DNAI2: variants seen among roughly 807,000 people sequenced by gnomAD.
DNAI2 encodes dynein, axonemal, intermediate polypeptide 2.
Under a neutral mutation model 74.7 loss-of-function variants are expected in DNAI2, and 63 were observed. The ratio of observed to expected loss-of-function variants is 0.84; its 90% CI spans 0.69 to 1.04. The LOEUF is 1.04. DNAI2 is among the 50% of genes least tolerant of loss of function. The pLI is 0.00. For synonymous variants in DNAI2, 289 were observed against 314.9 expected (o/e 0.92, Z 0.87); for missense variants, 688 against 803.2 (o/e 0.86, Z 1.73).
intron 4 of DNAI2, among the ~76,000 whole-genome samples, chr17:74,287,894 G>T (rs1017049088): frequency 2.6e-5 from 4 of 151,456 alleles, no homozygotes; most frequent in African/African-American, 9.7e-5. Context: ...GGCGGAGGTT[G>T]CAGTGAGCCG....
intron 6 of DNAI2, among the ~76,000 whole-genome samples, chr17:74,296,848 CAG>C (rs1426745653): frequency 9.9e-5 from 15 of 152,172 alleles, no homozygotes; most frequent in African/African-American, 2.9e-4. Flanking sequence ...CACGGAACTG[CAG>C]AGTGTGCGAT....
intron 6 of DNAI2, among the ~76,000 whole-genome samples, chr17:74,293,175 A>T (rs145944531): frequency 6.6e-6 from 1 of 152,078 alleles, no homozygotes; most frequent in African/African-American, 2.4e-5. Context: ...GGTCTTGTCT[A>T]TAGTGTTGGT....
intron 6 of DNAI2, among the ~76,000 whole-genome samples, chr17:74,291,344 A>T (rs2052086190): frequency 6.6e-6 from 1 of 151,858 alleles, no homozygotes; most frequent in Admixed American, 6.6e-5. Context: ...TGTTATTTTT[A>T]GTAGAGACAG....
intron 3 of DNAI2, 39 bp from the exon 4 acceptor site, chr17:74,286,938 T>C: frequency 6.2e-7 from 1 of 1,613,322 alleles, no homozygotes; most frequent in African/African-American, 1.3e-5. Flanking sequence ...TGAAAGGACC[T>C]CCATTTACTG....
chr17:74,299,478 G>C (rs1269736366), intron 6 of DNAI2, among the ~76,000 whole-genome samples: 1 of 152,100 alleles, frequency 6.6e-6, no homozygotes, highest in Non-Finnish European at 1.5e-5. Flanking sequence ...CAAGTGTTGG[G>C]TAGGGAGTCA....
At chr17:74,275,892 G>C (rs2891037) in intron 1 of DNAI2, among the ~76,000 whole-genome samples, 1 of 151,704 alleles carries the variant, frequency 6.6e-6, no homozygotes, top group Admixed American at 6.6e-5. Context: ...TGTCCCAAAA[G>C]CAACAACAAC....
In DNAI2 at chr17:74,300,083, G is replaced by C. The variant is rs997833660; in HGVS notation, c.864+226G>C. ...CCTGCCTCAGCCTCCCAAGTAGCTG[G>C]GATTACAGGCGCCTGCCACTATGCC... On this transcript the variant is annotated intron_variant, in intron 7 of 13. Transcript: ENST00000311014. This position sits in a 1 kb window ranked among gnomAD's most constrained non-coding sequence, Gnocchi z 4.5. Among the ~76,000 whole-genome samples the C allele has an allele frequency of 6.6e-6, 1 of 152,146 alleles. No individual in the cohort carries two copies.
chr17:74,285,389 C>T (rs1248069084), intron 3 of DNAI2, among the ~76,000 whole-genome samples, 188 bp downstream of exon 3: 11 of 152,108 alleles, frequency 7.2e-5, no homozygotes, highest in Non-Finnish European at 1.2e-4. Flanking sequence ...CACAGACCAA[C>T]AGGGAAGGCA....
chr17:74,287,444 G>T (rs1328527652), intron 4 of DNAI2, among the ~76,000 whole-genome samples: 2 of 152,230 alleles, frequency 1.3e-5, no homozygotes, highest in African/African-American at 4.8e-5. Context: ...ACTCATGCGA[G>T]TATATCCATG....
intron 8 of DNAI2, 52 bp downstream of exon 8, chr17:74,301,220 G>A: frequency 6.2e-7 from 1 of 1,609,530 alleles, no homozygotes; most frequent in Non-Finnish European, 8.5e-7. Context: ...GGGCAGCCAG[G>A]GCTAAAGACA....
chr17:74,303,861 C>T (rs1166240768), intron 8 of DNAI2, among the ~76,000 whole-genome samples: 1 of 152,080 alleles, frequency 6.6e-6, no homozygotes, highest in Non-Finnish European at 1.5e-5. Flanking sequence ...TGCAGTGGCT[C>T]AGGTCTGTAA....
intron 2 of DNAI2, among the ~76,000 whole-genome samples, chr17:74,284,677 G>A (rs1203310945): frequency 1.3e-5 from 2 of 152,176 alleles, no homozygotes; most frequent in Non-Finnish European, 2.9e-5. Flanking sequence ...CTCCCAAAGT[G>A]CTGGGATTAC....
chr17:74,289,793 A>C (rs1010475328), intron 5 of DNAI2, 57 bp downstream of exon 5: 750 of 1,610,134 alleles, frequency 4.7e-4, no homozygotes, highest in Admixed American at 6.0e-4. Context: ...GACCAGCACA[A>C]GTGGAGGAGC....
intron 8 of DNAI2, among the ~76,000 whole-genome samples, 191 bp downstream of exon 8, chr17:74,301,359 G>A (rs555951443): frequency 6.6e-6 from 1 of 152,314 alleles, no homozygotes; most frequent in African/African-American, 2.4e-5. Flanking sequence ...AGAGCTTCTC[G>A]AAGAAGGACA....
At chr17:74,309,988 T>C in intron 10 of DNAI2, 29 bp from the exon 11 acceptor site, 2 of 1,612,998 alleles carry the variant, frequency 1.2e-6, no homozygotes, top group Non-Finnish European at 1.7e-6. Context: ...CTCTCTCCTC[T>C]ACCTGGGTCT....
intron 12 of DNAI2, 73 bp downstream of exon 12, chr17:74,312,303 T>C (rs1387357346): frequency 1.7e-6 from 1 of 601,608 alleles, no homozygotes; most frequent in Non-Finnish European, 3.1e-6. Context: ...CTGCTTCTGC[T>C]TGCCGACTTC....
intron 9 of DNAI2, among the ~76,000 whole-genome samples, chr17:74,307,513 C>CA (rs1374838698): frequency 6.6e-5 from 10 of 150,856 alleles, no homozygotes; most frequent in Non-Finnish European, 1.2e-4. Context: ...AATAAAAATA[C>CA]AAAAAATCAG....
intron 12 of DNAI2, 23 bp from the exon 13 acceptor site, chr17:74,314,098 T>C: frequency 6.2e-7 from 1 of 1,613,168 alleles, no homozygotes; most frequent in Non-Finnish European, 8.5e-7. Context: ...ACACCAACAC[T>C]TCTGTGCTGT....
At chr17:74,299,617 T>C (rs2052639532) in intron 6 of DNAI2, 101 bp from the exon 7 acceptor site, 3 of 1,522,612 alleles carry the variant, frequency 2.0e-6, no homozygotes, top group Non-Finnish European at 2.7e-6. Context: ...ACCACATACC[T>C]GCCAAACCAG....
Sources: allele counts gnomAD v4.1 joint callset (sites outside exome capture counted in the v4.1 genomes callset), GRCh38; gene constraint gnomAD v4.1.1; non-coding constraint Gnocchi (gnomAD v3.1); transcripts MANE v1.5; gene names NCBI Gene and HGNC (gene_info 2026-07-23, HGNC 2026-07-21).